Variants in SPTLC3 observed in about 807,000 individuals in gnomAD.
The protein encoded by SPTLC3 is serine palmitoyltransferase 3.
SPTLC3 carries 36 observed loss-of-function variants against 59.3 expected under a neutral mutation model. The ratio of observed to expected loss-of-function variants is 0.61; its 90% CI spans 0.47 to 0.80. The LOEUF is 0.80. SPTLC3 is among the 30% of genes least tolerant of loss of function. The probability of loss-of-function intolerance (pLI) is 0.00; values close to 1 mark genes in which losing one functional copy is unlikely to be tolerated. For missense variants in SPTLC3, 625 were observed against 685.1 expected, an observed-to-expected ratio of 0.91 and a Z score of 0.98; for synonymous variants, 257 against 240.8, an observed-to-expected ratio of 1.07 and a Z score of -0.62.
rs891492652 is a variant in SPTLC3, at chr20:13,165,097, A to G, written c.*230A>G. 4 of 428,412 alleles carry G rather than the reference A, an allele frequency of 9.3e-6. No homozygotes were observed. The African/African-American group carries it at 1.1e-4, about 11-fold the overall frequency. 26.5% of individuals were successfully genotyped at this position (428,412 alleles called of 1,614,324 possible). A position where few individuals can be genotyped will look rare whatever the true frequency, so the allele number is the denominator to read the frequency against. On this transcript the variant is annotated 3_prime_UTR_variant, in exon 12 of 12. Transcript: ENST00000399002. ...CTCTTCTTCCAAGTATTCTACTAGA[A>G]ATACACACACACACACACACACACT...
intron 6 of SPTLC3, among the ~76,000 whole-genome samples, chr20:13,104,007 G>C (rs1989731922): frequency 6.6e-6 from 1 of 152,130 alleles, no homozygotes; most frequent in Non-Finnish European, 1.5e-5. Context: ...CTATTATTAG[G>C]GTTTTGAATG....
intron 2 of SPTLC3, among the ~76,000 whole-genome samples, chr20:13,053,230 G>A (rs970207375): frequency 7.2e-5 from 11 of 152,264 alleles, no homozygotes; most frequent in African/African-American, 2.6e-4. Flanking sequence ...TGCAGCCTCC[G>A]CTGGTGATAC....
intron 1 of SPTLC3, among the ~76,000 whole-genome samples, chr20:13,021,987 G>A (rs1985911100): frequency 6.6e-6 from 1 of 152,076 alleles, no homozygotes; most frequent in Non-Finnish European, 1.5e-5. Flanking sequence ...GCATAAATAG[G>A]CATTTCTGAC....
intron 1 of SPTLC3, among the ~76,000 whole-genome samples, chr20:13,046,217 G>T (rs187979717): frequency 6.6e-6 from 1 of 151,982 alleles, no homozygotes; most frequent in Non-Finnish European, 1.5e-5. Context: ...GTACCTTATC[G>T]CATTCACCTT....
chr20:13,072,705 C>T (rs1260726881), intron 3 of SPTLC3, among the ~76,000 whole-genome samples: 1 of 152,192 alleles, frequency 6.6e-6, no homozygotes, highest in Non-Finnish European at 1.5e-5. Context: ...ATTCTACTCT[C>T]CTACTTACAG....
chr20:13,091,099 C>T lies in SPTLC3; in HGVS notation c.624C>T (p.His208=), dbSNP rs1220757371. Residue 208 remains histidine (H), a synonymous_variant, in exon 5 of 12, where the codon CAC becomes CAT. Coordinates refer to ENST00000399002, the MANE Select transcript of SPTLC3 (RefSeq NM_018327.4). ...TATGTGCAGGCACCTTGGATAAGCA[C>T]AAGGAGTTGGAGGACCTTGTGGCTA... ...TRHEMGTLDK[H]KELEDLVAKF... is the part of the protein sequence containing the mutation. 1.1e-5 allele frequency: 17 copies of T among 1,613,768 alleles called. No individual in the cohort carries two copies. Among genetic ancestry groups the T allele is most frequent in the African/African-American group, 1.3e-5 (1 of 74,898 alleles).
intron 9 of SPTLC3, among the ~76,000 whole-genome samples, chr20:13,129,798 C>T (rs2038081042): frequency 6.6e-6 from 1 of 152,216 alleles, no homozygotes; most frequent in South Asian, 2.1e-4. Flanking sequence ...CAGTAATCAT[C>T]TGCCATCAAT....
chr20:13,071,796 A>G (rs1328592436), intron 2 of SPTLC3, among the ~76,000 whole-genome samples: 1 of 152,210 alleles, frequency 6.6e-6, no homozygotes, highest in Non-Finnish European at 1.5e-5. Context: ...TCCATTGGCC[A>G]TGTAACAGCT....
intron 9 of SPTLC3, chr20:13,132,695 G>C (rs1287880006): frequency 2.0e-5 from 3 of 152,082 alleles, no homozygotes; most frequent in Admixed American, 2.0e-4. Flanking sequence ...AAACAGCTCT[G>C]ATCTCTTTTA....
Position 13,167,591 on chromosome 20 carries a change from T to C in SPTLC3, c.*2724T>C, listed in dbSNP as rs923107902. On this transcript the variant is annotated 3_prime_UTR_variant, in exon 12 of 12. Coordinates refer to ENST00000399002, the MANE Select transcript of SPTLC3 (RefSeq NM_018327.4). ...AGCAGAAGATAAAGGTTCCAGATGA[T>C]ATTTGTAAGGAGGCTATCTCTGTAT... 4.6e-5 allele frequency: 7 copies of C among 152,198 alleles called. No homozygotes were observed. The highest frequency in any genetic ancestry group is 1.0e-4 in the Non-Finnish European group (7 of 68,040). The allele number at this position is 152,198 out of a possible 1,614,324, so 9.4% of individuals were successfully genotyped here.
Position 13,165,164 on chromosome 20 carries a change from G to T in SPTLC3, c.*297G>T. 1 of 291,346 alleles carries T rather than the reference G, an allele frequency of 3.4e-6. No individual in the cohort carries two copies. Among genetic ancestry groups the T allele is most frequent in the Non-Finnish European group, 6.4e-6 (1 of 155,792 alleles). 18.0% of individuals were successfully genotyped at this position (291,346 alleles called of 1,614,324 possible). A position where few individuals can be genotyped will look rare whatever the true frequency, so the allele number is the denominator to read the frequency against. ...ATGGCAATAAGCCTGTGTTTTAGCT[G>T]CTACTGTGCAGACCCTTTCAGGGAT... On this transcript the variant is annotated 3_prime_UTR_variant, in exon 12 of 12. Coordinates refer to ENST00000399002, the MANE Select transcript of SPTLC3 (RefSeq NM_018327.4).
intron 11 of SPTLC3, among the ~76,000 whole-genome samples, chr20:13,163,260 C>G (rs1345875610): frequency 6.7e-6 from 1 of 149,856 alleles, no homozygotes; most frequent in African/African-American, 2.5e-5. Flanking sequence ...CCCAGCTACT[C>G]GAACTGCTGA....
rs1318605389 is a variant in SPTLC3 at position 13,074,479 on chromosome 20, A to G, written c.589A>G (p.Ser197Gly). Residue 197 changes from serine to glycine, a missense_variant, in exon 4 of 12, where the codon AGC becomes GGC. Coordinates refer to ENST00000399002, the MANE Select transcript of SPTLC3 (RefSeq NM_018327.4). ...AGAGGTGTATGGCACAGGCGTGGCC[A>G]GCACCAGGCATGAAATGGGTATGTA... ...VLEVYGTGVA[S>G]TRHEMGTLDK... 4 of 1,613,276 alleles carry G rather than the reference A, an allele frequency of 2.5e-6. No individual in the cohort carries two copies. The highest frequency in any genetic ancestry group is 3.4e-6 in the Non-Finnish European group (4 of 1,179,484).
rs1988468281 is a variant in SPTLC3, at chr20:13,072,302, AC to A, written c.352del (p.Leu118PhefsTer23). Reference protein sequence around the residue: ...YQDFENFYTRNLYMRIRDNWN... With the variant: ...YQDFENFYTRXLYMRIRDNWN... ...GACTTTGAAAATTTTTATACAAGAA[AC>A]CTTTACATGCGAATCAGAGACAACT... On this transcript the variant is annotated frameshift_variant, in exon 3 of 12. Transcript: ENST00000399002. LOFTEE classifies it high-confidence loss of function. 1.9e-6 allele frequency: 3 copies of A among 1,613,606 alleles called. No individual in the cohort carries two copies. Among genetic ancestry groups the A allele is most frequent in the Non-Finnish European group, 2.5e-6 (3 of 1,179,846 alleles).
intron 3 of SPTLC3, chr20:13,074,119 T>C: frequency 1.4e-6 from 1 of 695,800 alleles, no homozygotes; most frequent in Non-Finnish European, 2.7e-6. Flanking sequence ...GGGACTAAAG[T>C]GCCCGGCACT....
At chr20:13,133,811 C>A (rs182240627) in intron 9 of SPTLC3, among the ~76,000 whole-genome samples, 1 of 152,280 alleles carries the variant, frequency 6.6e-6, no homozygotes, top group East Asian at 1.9e-4. Flanking sequence ...GACAGGAGAA[C>A]TGCCACCACT....
intron 6 of SPTLC3, among the ~76,000 whole-genome samples, chr20:13,108,483 A>G (rs1990034377): frequency 6.6e-6 from 1 of 152,242 alleles, no homozygotes; most frequent in Non-Finnish European, 1.5e-5. Flanking sequence ...ATTTGAGCCT[A>G]GACCAGTGAG....
At chr20:13,021,067 A>G (rs3966739) in intron 1 of SPTLC3, among the ~76,000 whole-genome samples, 85,819 of 152,024 alleles carry the variant, frequency 0.56, 26,924 homozygotes, top group South Asian at 0.72. Flanking sequence ...TTCATCCCAT[A>G]ATGACTTCTC....
chr20:13,060,162 G>T (rs894365912), intron 2 of SPTLC3, among the ~76,000 whole-genome samples: 1 of 152,156 alleles, frequency 6.6e-6, no homozygotes, highest in East Asian at 1.9e-4. Flanking sequence ...GTAGACTGAA[G>T]CCTAGAGCCT....
Sources: allele counts gnomAD v4.1 joint callset (sites outside exome capture counted in the v4.1 genomes callset), GRCh38; gene constraint gnomAD v4.1.1; transcripts MANE v1.5; gene names NCBI Gene and HGNC (gene_info 2026-07-23, HGNC 2026-07-21).